Variants in ANKRD13C observed in about 807,000 individuals in gnomAD.
ANKRD13C encodes ankyrin repeat domain-containing protein 13C.
Under a neutral mutation model 65.5 loss-of-function variants are expected in ANKRD13C, and 16 were observed. The ratio of observed to expected loss-of-function variants is 0.24; its 90% CI spans 0.17 to 0.37. The LOEUF (loss-of-function observed/expected upper bound fraction) is 0.37, where lower values mean the gene tolerates loss of function less well. Ranked by LOEUF, ANKRD13C falls within the 10% of genes least tolerant of loss-of-function variation. ANKRD13C has a pLI of 1.00. For synonymous variants in ANKRD13C, 235 were observed against 238.7 expected (o/e 0.98, Z 0.14); for missense variants, 503 against 655.9 (o/e 0.77, Z 2.55).
At chr1:70,342,691 A>G (rs1256791690) in intron 1 of ANKRD13C, among the ~76,000 whole-genome samples, 1 of 151,990 alleles carries the variant, frequency 6.6e-6, no homozygotes, top group Non-Finnish European at 1.5e-5. Flanking sequence ...AGGGAGAAAA[A>G]GAAGTACCAT....
chr1:70,278,220 T>C (rs1175408605), intron 9 of ANKRD13C, among the ~76,000 whole-genome samples: 1 of 142,756 alleles, frequency 7.0e-6, no homozygotes, highest in Non-Finnish European at 1.5e-5. Context: ...TGGCCAGGCG[T>C]GGTGGCTCAT....
At position 70,354,565 on chromosome 1, in the gene ANKRD13C, G is replaced by C; in HGVS notation, c.-157C>G. On this transcript the variant is annotated 5_prime_UTR_variant, in exon 1 of 13. Transcript: ENST00000370944. ...CGAGCCTGGGACAAACGCATCTCCC[G>C]GGGAAGAGCCGGCTCTCGCCTAGGC... The C allele has an allele frequency of 7.0e-7, 1 of 1,426,136 alleles. No individual in the cohort carries two copies. The highest frequency in any genetic ancestry group is 9.2e-7 in the Non-Finnish European group (1 of 1,091,908). The allele number at this position is 1,426,136 out of a possible 1,614,324, so 88.3% of individuals were successfully genotyped here. A position where few individuals can be genotyped will look rare whatever the true frequency, so the allele number is the denominator to read the frequency against.
intron 1 of ANKRD13C, among the ~76,000 whole-genome samples, chr1:70,346,374 G>A (rs1210079713): frequency 6.6e-6 from 1 of 152,062 alleles, no homozygotes; most frequent in Non-Finnish European, 1.5e-5. Context: ...TACCAGCCCA[G>A]TTTGCTACTT....
At position 70,260,326 on chromosome 1, in the gene ANKRD13C, T is replaced by C. The variant is rs1300841567; in HGVS notation, c.*2391A>G. 2.6e-5 allele frequency among the ~76,000 whole-genome samples: 4 copies of C among 152,162 alleles called. No individual in the cohort carries two copies. Among genetic ancestry groups the C allele is most frequent in the Middle Eastern group, 3.2e-3 (1 of 316 alleles). The stretch of plus-strand genomic sequence containing the variant: ...TCTCAAAGATGGAAACCATATCTTC[T>C]CTGGATACCATACCAGTGGGCAAGA... On this transcript the variant is annotated 3_prime_UTR_variant, in exon 13 of 13. Transcript: ENST00000370944.
intron 6 of ANKRD13C, among the ~76,000 whole-genome samples, chr1:70,305,140 G>T (rs1444171820): frequency 3.9e-5 from 6 of 152,012 alleles, no homozygotes; most frequent in African/African-American, 1.4e-4. Flanking sequence ...AACAAAAACA[G>T]AAATATCTAC....
chr1:70,314,977 G>A (rs1346642462), intron 4 of ANKRD13C, among the ~76,000 whole-genome samples: 2 of 152,256 alleles, frequency 1.3e-5, no homozygotes, highest in Non-Finnish European at 2.9e-5. Flanking sequence ...GGTGGCTCAC[G>A]CCTATAATCC....
intron 1 of ANKRD13C, among the ~76,000 whole-genome samples, chr1:70,342,794 A>G: frequency 6.6e-6 from 1 of 151,898 alleles, no homozygotes; most frequent in East Asian, 1.9e-4. Flanking sequence ...GCTGCTGCCC[A>G]GGAGGGGAAC....
In ANKRD13C at chr1:70,354,132, C is replaced by A. The variant is rs760943485; in HGVS notation, c.277G>T (p.Ala93Ser). ...ACGGGGTTGGTGCCGGCCAGAAGGG[C>A]CGGGGACTGGGAGTTGGCAGTCACG... ...SSVTANSQSP[A>S]LLAGTNPVAV... Residue 93 changes from alanine to serine, a missense_variant, in exon 1 of 13, where the codon GCC becomes TCC. This residue lies in a region of ANKRD13C where 203 missense variants were observed against 177.6 expected (regional missense o/e 1.14). Transcript: ENST00000370944. 11 of 1,613,896 alleles carry A rather than the reference C, an allele frequency of 6.8e-6. 1 individual carries two copies. In the South Asian group the frequency reaches 9.9e-5, roughly 15 times the overall value.
chr1:70,337,283 A>G (rs201475749), intron 1 of ANKRD13C, among the ~76,000 whole-genome samples: 1 of 152,160 alleles, frequency 6.6e-6, no homozygotes, highest in East Asian at 1.9e-4. Context: ...AATTCACTAC[A>G]CTAAAGTCAT....
At chr1:70,278,622 G>A (rs1572039438) in intron 9 of ANKRD13C, among the ~76,000 whole-genome samples, 1 of 152,224 alleles carries the variant, frequency 6.6e-6, no homozygotes, top group Middle Eastern at 3.4e-3. Context: ...GACAATAAGT[G>A]AAAGACTAAT....
intron 1 of ANKRD13C, among the ~76,000 whole-genome samples, chr1:70,347,131 G>A (rs1682567404): frequency 7.0e-6 from 1 of 142,322 alleles, no homozygotes; most frequent in Non-Finnish European, 1.5e-5. Flanking sequence ...AGTTCATAGA[G>A]AAGCATGGTC....
At chr1:70,317,488 A>G (rs898817488) in intron 3 of ANKRD13C, among the ~76,000 whole-genome samples, 3 of 152,172 alleles carry the variant, frequency 2.0e-5, no homozygotes, top group Non-Finnish European at 4.4e-5. Context: ...GTGGATCACA[A>G]AAGACAGTAG....
chr1:70,271,047 T>C (rs1222098437), intron 11 of ANKRD13C, 91 bp from the exon 12 acceptor site: 7 of 716,524 alleles, frequency 9.8e-6, no homozygotes, highest in Admixed American at 2.6e-5. Context: ...ACCTGGACAG[T>C]AGTATTGACT....
intron 12 of ANKRD13C, among the ~76,000 whole-genome samples, chr1:70,265,473 AG>A (rs1338109906): frequency 3.3e-5 from 5 of 152,196 alleles, no homozygotes; most frequent in African/African-American, 1.2e-4. Context: ...TAATGAACTA[AG>A]GAAGTGAATA....
intron 12 of ANKRD13C, among the ~76,000 whole-genome samples, chr1:70,267,093 T>C (rs1678661032): frequency 6.6e-6 from 1 of 152,206 alleles, no homozygotes; most frequent in Non-Finnish European, 1.5e-5. Flanking sequence ...GTTTCATCTA[T>C]CTTGCAACTC....
Position 70,354,075 on chromosome 1 carries a change from C to A in ANKRD13C, c.334G>T (p.Ala112Ser). Residue 112 changes from alanine (A) to serine (S), a missense_variant, in exon 1 of 13, where the codon GCA (alanine) becomes TCA (serine). This residue lies in a region of ANKRD13C where 203 missense variants were observed against 177.6 expected (regional missense o/e 1.14). Transcript: ENST00000370944. ...AVVADGGSCPAHYPVHECVFK... is the reference protein window; with the variant it reads ...AVVADGGSCPSHYPVHECVFK... The stretch of plus-strand genomic sequence containing the variant: ...ACGCACTCGTGCACCGGGTAGTGTG[C>A]GGGGCAACTGCCTCCATCCGCGACG... 1.2e-6 allele frequency: 2 copies of A among 1,609,570 alleles called. No homozygotes were observed. The highest frequency in any genetic ancestry group is 1.7e-6 in the Non-Finnish European group (2 of 1,177,312).
Position 70,292,550 on chromosome 1 carries a change from C to T in ANKRD13C, c.1054-1G>A. The T allele has an allele frequency of 6.3e-7, 1 of 1,580,214 alleles. No homozygotes were observed. Among genetic ancestry groups the T allele is most frequent in the Non-Finnish European group, 8.5e-7 (1 of 1,171,108 alleles). On this transcript the variant is annotated splice_acceptor_variant, in intron 8 of 12. Coordinates refer to ENST00000370944, the MANE Select transcript of ANKRD13C (RefSeq NM_030816.5). LOFTEE classifies it high-confidence loss of function. ...CTGCCAAAAAGTTTCCTACTCTTTCCTAAAACAAAACCAAATATTTAAAAG... is the reference window on the plus strand; with the variant it reads ...CTGCCAAAAAGTTTCCTACTCTTTCTTAAAACAAAACCAAATATTTAAAAG...
intron 12 of ANKRD13C, among the ~76,000 whole-genome samples, chr1:70,265,940 A>AGAAGGAAGGAAGGAAGGAAG (rs372808790): frequency 6.6e-6 from 1 of 150,920 alleles, no homozygotes; most frequent in African/African-American, 2.5e-5. Flanking sequence ...AAGGGAGGGA[A>AGAAGGAAGGAAGGAAGGAAG]GAAGGAAGGA....
intron 3 of ANKRD13C, among the ~76,000 whole-genome samples, chr1:70,322,919 G>C (rs900588714): frequency 1.3e-5 from 2 of 152,104 alleles, no homozygotes; most frequent in African/African-American, 4.8e-5. Flanking sequence ...TTCAACCCGG[G>C]AGGCAGAGGT....
Sources: allele counts gnomAD v4.1 joint callset (sites outside exome capture counted in the v4.1 genomes callset), GRCh38; gene constraint gnomAD v4.1.1; regional missense constraint gnomAD v4.1.1; transcripts MANE v1.5; gene names NCBI Gene and HGNC (gene_info 2026-07-23, HGNC 2026-07-21).